The following CDH4 variants were observed in gnomAD, a reference collection of about 807,000 sequenced individuals.
CDH4 encodes the protein cadherin-4.
Under a neutral mutation model 86.0 loss-of-function variants are expected in CDH4, and 33 were observed. The observed-to-expected ratio is 0.38, with a 90% CI of 0.29 to 0.51. CDH4 has a LOEUF of 0.51. Ranked by LOEUF, CDH4 falls within the 20% of genes least tolerant of loss-of-function variation. CDH4 has a pLI of 0.86. For synonymous variants in CDH4, 555 were observed against 549.4 expected, an observed-to-expected ratio of 1.01 and a Z score of -0.14; for missense variants, 1,114 against 1,307.4, an observed-to-expected ratio of 0.85 and a Z score of 2.28.
chr20:61,765,489 TCA>T (rs2088687668), intron 3 of CDH4, among the ~76,000 whole-genome samples: 1 of 152,124 alleles, frequency 6.6e-6, no homozygotes, highest in Non-Finnish European at 1.5e-5. Context: ...GTTGTGGGGC[TCA>T]CAGATGTCAT....
chr20:61,423,503 T>C (rs570992776), intron 2 of CDH4, among the ~76,000 whole-genome samples: 1 of 152,346 alleles, frequency 6.6e-6, no homozygotes, highest in Non-Finnish European at 1.5e-5. Flanking sequence ...TAGAGACCCC[T>C]ATCTCCATTT....
rs577183884 is a variant in CDH4, at chr20:61,617,493, G to A, written c.170-126070G>A. Among the ~76,000 whole-genome samples the A allele has an allele frequency of 1.6e-4, 24 of 152,310 alleles. No homozygotes were observed. The South Asian group carries it at 2.3e-3, about 14-fold the overall frequency. On this transcript the variant is annotated intron_variant, in intron 2 of 15. Coordinates refer to ENST00000614565, the MANE Select transcript of CDH4 (RefSeq NM_001794.5). ...GGCTGAGAACGTCCCCCCATTCCCC[G>A]TTTTCAAGAAGTCATAGGAGGAGCA... is the stretch of plus-strand genomic sequence containing the variant.
At chr20:61,335,948 T>C (rs1257633303) in intron 2 of CDH4, among the ~76,000 whole-genome samples, 1 of 152,208 alleles carries the variant, frequency 6.6e-6, no homozygotes, top group East Asian at 1.9e-4. Flanking sequence ...TTATGTGGTT[T>C]TTTAATGATG....
chr20:61,748,099 GT>G (rs1440013548), intron 3 of CDH4, among the ~76,000 whole-genome samples: 5 of 152,166 alleles, frequency 3.3e-5, no homozygotes, highest in African/African-American at 1.2e-4. Context: ...TTGTGGGGGG[GT>G]TGGAAGACCG....
chr20:61,552,180 A>C (rs948141607), intron 2 of CDH4, among the ~76,000 whole-genome samples: 2 of 152,240 alleles, frequency 1.3e-5, no homozygotes, highest in Non-Finnish European at 2.9e-5. Context: ...ACCATCAAAA[A>C]AGTGAAAAGG....
At chr20:61,847,783 TGAGAGAGA>T (rs148387985) in intron 5 of CDH4, among the ~76,000 whole-genome samples, 3 of 145,100 alleles carry the variant, frequency 2.1e-5, no homozygotes, top group African/African-American at 7.6e-5. Flanking sequence ...GTGGCAGGAG[TGAGAGAGA>T]GAGAGAGAGG....
chr20:61,293,416 C>T (rs957354410), intron 2 of CDH4, among the ~76,000 whole-genome samples: 1 of 152,132 alleles, frequency 6.6e-6, no homozygotes, highest in African/African-American at 2.4e-5. Flanking sequence ...ACAGCTCCGA[C>T]CCCTGGCTGG....
At chr20:61,907,206 G>T (rs907175126) in intron 8 of CDH4, among the ~76,000 whole-genome samples, 15 of 152,106 alleles carry the variant, frequency 9.9e-5, no homozygotes, top group Admixed American at 3.3e-4. Context: ...CGGGCACCAG[G>T]TCAGCTCCTA....
chr20:61,258,849 A>G (rs983261507), intron 2 of CDH4, among the ~76,000 whole-genome samples: 1 of 152,232 alleles, frequency 6.6e-6, no homozygotes, highest in South Asian at 2.1e-4. Context: ...TAGTAGCACC[A>G]TCTGCATTTC....
intron 7 of CDH4, among the ~76,000 whole-genome samples, chr20:61,888,142 G>A (rs978261521): frequency 2.0e-5 from 3 of 152,214 alleles, no homozygotes; most frequent in Non-Finnish European, 2.9e-5. Flanking sequence ...AGCGGGGACT[G>A]AAGTGAGATG....
intron 2 of CDH4, among the ~76,000 whole-genome samples, chr20:61,429,673 GGATGGGTGGATA>G (rs1035069157): frequency 6.6e-6 from 1 of 151,192 alleles, no homozygotes; most frequent in Non-Finnish European, 1.5e-5. Flanking sequence ...GTGGGTGGAT[GGATGGGTGGATA>G]GATGGGTGGA....
At chr20:61,596,303 G>A (rs1433755832) in intron 2 of CDH4, among the ~76,000 whole-genome samples, 5 of 152,210 alleles carry the variant, frequency 3.3e-5, no homozygotes, top group African/African-American at 4.8e-5. Flanking sequence ...AGGAGAGGGT[G>A]GTGCACAATT....
intron 2 of CDH4, among the ~76,000 whole-genome samples, chr20:61,670,401 C>T (rs1191933906): frequency 6.6e-6 from 1 of 152,198 alleles, no homozygotes; most frequent in Non-Finnish European, 1.5e-5. Context: ...ATATATCCAC[C>T]TCTGACCTGG....
rs530873250 is a variant in CDH4, at chr20:61,510,312, T to A, written c.170-233251T>A. ...GCCAGGAACGTGCATTCAGGGGAGT[T>A]TCTATTTGCCCAGGAGGATTGTGAT... On this transcript the variant is annotated intron_variant, in intron 2 of 15. Coordinates refer to ENST00000614565, the MANE Select transcript of CDH4 (RefSeq NM_001794.5). The surrounding 1 kb of genome is among the most constrained non-coding windows in gnomAD (Gnocchi z 4.2). Among the ~76,000 whole-genome samples the A allele has an allele frequency of 6.6e-6, 1 of 152,228 alleles. No individual in the cohort carries two copies. The highest frequency in any genetic ancestry group is 2.4e-5 in the African/African-American group (1 of 41,534).
intron 9 of CDH4, among the ~76,000 whole-genome samples, chr20:61,917,021 G>C (rs1049338980): frequency 1.4e-4 from 21 of 152,174 alleles, no homozygotes; most frequent in Non-Finnish European, 2.9e-4. Context: ...GGTCACCTCT[G>C]TTCTCAGCCA....
intron 2 of CDH4, among the ~76,000 whole-genome samples, chr20:61,521,815 C>T (rs192083701): frequency 2.0e-4 from 31 of 152,176 alleles, no homozygotes; most frequent in African/African-American, 3.6e-4. Context: ...GTTTGGTGAT[C>T]GGCCCCCACT....
At chr20:61,713,284 C>T (rs906848656) in intron 2 of CDH4, among the ~76,000 whole-genome samples, 2 of 152,198 alleles carry the variant, frequency 1.3e-5, no homozygotes, top group African/African-American at 4.8e-5. Context: ...CTTTGCAATG[C>T]TGAGCTTCAA....
rs141736195 is a variant in CDH4, at chr20:61,524,765, G to T, written c.170-218798G>T. 4.6e-3 allele frequency among the ~76,000 whole-genome samples: 693 copies of T among 152,276 alleles called. 3 individuals are homozygous for T. The highest frequency in any genetic ancestry group is 0.014 in the Middle Eastern group (4 of 294). On this transcript the variant is annotated intron_variant, in intron 2 of 15. Transcript: ENST00000614565. Reference sequence around the variant, plus strand: ...CCCAAAGTTCTGGGATTACAGGTGTGAGCTACCACACCTGACCAACTGTTT... The same window carrying T: ...CCCAAAGTTCTGGGATTACAGGTGTTAGCTACCACACCTGACCAACTGTTT...
intron 2 of CDH4, chr20:61,719,417 A>G (rs1018958828): frequency 7.7e-6 from 2 of 259,168 alleles, no homozygotes; most frequent in African/African-American, 4.4e-5. Context: ...CAAAAACATT[A>G]GCAATATTGC....
Sources: gnomAD v4.1 joint callset for allele counts (sites outside exome capture counted in the v4.1 genomes callset) on GRCh38, gnomAD v4.1.1 for gene constraint, Gnocchi (gnomAD v3.1) non-coding constraint, MANE v1.5 for transcripts, NCBI Gene and HGNC (gene_info 2026-07-23, HGNC 2026-07-21) for gene names.